SLC14A2: variants seen among roughly 807,000 people sequenced by gnomAD.
The protein encoded by SLC14A2 is urea transporter 2.
SLC14A2 carries 91 observed loss-of-function variants against 104.6 expected under a neutral mutation model. The ratio of observed to expected loss-of-function variants is 0.87; its 90% confidence interval spans 0.73 to 1.04. The LOEUF (loss-of-function observed/expected upper bound fraction) is 1.04. Ranked by LOEUF, SLC14A2 falls within the 50% of genes least tolerant of loss-of-function variation. SLC14A2 has a pLI of 0.00. For synonymous variants in SLC14A2, 476 were observed against 466.4 expected (o/e 1.02, Z -0.27); for missense variants, 1,189 against 1,156.0 (o/e 1.03, Z -0.41).
At chr18:45,682,260 T>A in intron 19 of SLC14A2, 59 bp from the exon 20 acceptor site, 1 of 1,474,478 alleles carries the variant, frequency 6.8e-7, no homozygotes, top group Non-Finnish European at 9.5e-7. Flanking sequence ...TGATAAGGGC[T>A]GATTAAAATG....
chr18:45,562,059 G>T (rs898391934), intron 2 of SLC14A2, among the ~76,000 whole-genome samples: 2 of 152,230 alleles, frequency 1.3e-5, no homozygotes, highest in South Asian at 2.1e-4. Flanking sequence ...GAGGCACCCA[G>T]TTCTCTCTCC....
At chr18:45,187,703 C>T in the SLC14A2 span, among the ~76,000 whole-genome samples, 5 of 151,946 alleles carry the variant, frequency 3.3e-5, no homozygotes, top group African/African-American at 2.4e-5. Flanking sequence ...GGTGTAACTT[C>T]CAGATCACTT....
chr18:45,680,154 C>T (rs1370702397), intron 19 of SLC14A2, among the ~76,000 whole-genome samples: 1 of 152,212 alleles, frequency 6.6e-6, no homozygotes, highest in Non-Finnish European at 1.5e-5. Context: ...GGCTCTGAGG[C>T]TCCCTTCAGG....
In SLC14A2 at chr18:45,255,919, T is replaced by C. The variant is rs191721133; in HGVS notation, c.-125+42728T>C. On this transcript the variant is annotated intron_variant, in intron 1 of 20. Coordinates refer to the SLC14A2 transcript ENST00000586448. The stretch of plus-strand genomic sequence containing the variant: ...CCAGGCAGAGGGATCCCAGAGAGCA[T>C]AGAAAGGCCCGGATGTATGCTTTCT... Among the ~76,000 whole-genome samples the C allele has an allele frequency of 4.3e-4, 66 of 152,288 alleles. 1 individual carries two copies. Among genetic ancestry groups the C allele is most frequent in the African/African-American group, 1.3e-3 (53 of 41,564 alleles).
chr18:45,224,084 T>G (rs958558632), intron 1 of SLC14A2, among the ~76,000 whole-genome samples: 1 of 152,198 alleles, frequency 6.6e-6, no homozygotes, highest in African/African-American at 2.4e-5. Context: ...AGTTTCAGCA[T>G]AATCCTTAGT....
intron 1 of SLC14A2, among the ~76,000 whole-genome samples, chr18:45,344,792 A>G (rs796480033): frequency 7.9e-5 from 12 of 152,196 alleles, no homozygotes; most frequent in Admixed American, 3.9e-4. Context: ...AAGCCACATC[A>G]ATTAGGCACC....
At chr18:45,623,196 A>G (rs2045203746) in intron 1 of SLC14A2, among the ~76,000 whole-genome samples, 1 of 152,020 alleles carries the variant, frequency 6.6e-6, no homozygotes, top group Non-Finnish European at 1.5e-5. Context: ...CAGAGGAGAG[A>G]TCTGACTTTT....
the SLC14A2 span, among the ~76,000 whole-genome samples, chr18:45,204,091 TTAA>T: frequency 6.6e-6 from 1 of 152,338 alleles, no homozygotes; most frequent in African/African-American, 2.4e-5. Context: ...TGTGGTATAT[TTAA>T]TAATGTTCAT....
rs182669094 is a variant in SLC14A2 at position 45,671,013 on chromosome 18, C to A, written c.2229+1515C>A. Among the ~76,000 whole-genome samples the A allele has an allele frequency of 7.9e-5, 12 of 152,228 alleles. No individual in the cohort carries two copies. The East Asian group carries it at 2.1e-3, about 27-fold the overall frequency. The stretch of plus-strand genomic sequence containing the variant: ...CTTGATCATTTTGTGTGTGTGAGGA[C>A]CTTCTTGGACCAGAAACAAGAAAAG... On this transcript the variant is annotated intron_variant, in intron 16 of 19. Coordinates refer to ENST00000255226, the MANE Select transcript of SLC14A2 (RefSeq NM_007163.4).
intron 1 of SLC14A2, among the ~76,000 whole-genome samples, chr18:45,215,023 G>A (rs1313681685): frequency 6.6e-6 from 1 of 152,036 alleles, no homozygotes; most frequent in African/African-American, 2.4e-5. Context: ...TTTAGAGAAG[G>A]GAGTGATTGG....
chr18:45,243,581 A>G (rs1029339486), intron 1 of SLC14A2, among the ~76,000 whole-genome samples: 1 of 152,248 alleles, frequency 6.6e-6, no homozygotes, highest in East Asian at 1.9e-4. Context: ...TGTTCCTTGT[A>G]GAGAGAAAAG....
At chr18:45,352,204 G>A (rs771241514) in intron 1 of SLC14A2, among the ~76,000 whole-genome samples, 2 of 152,080 alleles carry the variant, frequency 1.3e-5, no homozygotes, top group Non-Finnish European at 2.9e-5. Flanking sequence ...CAAAGAAAAG[G>A]CAAACACTGA....
intron 1 of SLC14A2, among the ~76,000 whole-genome samples, chr18:45,419,242 G>A (rs2086312283): frequency 6.6e-6 from 1 of 152,120 alleles, no homozygotes; most frequent in African/African-American, 2.4e-5. Flanking sequence ...ATTGTGCCGG[G>A]AACCCAGGGT....
At chr18:45,484,988 ATTG>A (rs2087573041) in intron 2 of SLC14A2, among the ~76,000 whole-genome samples, 1 of 152,328 alleles carries the variant, frequency 6.6e-6, no homozygotes, top group Admixed American at 6.5e-5. Flanking sequence ...TTGTAATATC[ATTG>A]TTATTAATAG....
chr18:45,208,179 C>A (rs1484750330), upstream of SLC14A2, among the ~76,000 whole-genome samples: 1 of 152,302 alleles, frequency 6.6e-6, no homozygotes, highest in East Asian at 1.9e-4. Context: ...AAAGCTACTT[C>A]TATAACCAAC....
intron 1 of SLC14A2, among the ~76,000 whole-genome samples, chr18:45,310,407 C>A (rs1447626985): frequency 6.6e-6 from 1 of 152,176 alleles, no homozygotes; most frequent in Non-Finnish European, 1.5e-5. Context: ...GCAAAACAGG[C>A]ATCATTATTG....
Position 45,624,790 on chromosome 18 carries a change from C to G in SLC14A2, c.126C>G (p.Pro42=), listed in dbSNP as rs748814704. Reference sequence around the variant, plus strand: ...CCCCGGATACTCACCCAGCTCTGCCCCTCCTGGAAATGCCTGAAGAAAAGG... The same window carrying G: ...CCCCGGATACTCACCCAGCTCTGCCGCTCCTGGAAATGCCTGAAGAAAAGG... ...STSPDTHPAL[P]LLEMPEEKDL... is the part of the protein sequence containing the mutation. Residue 42 remains proline, a synonymous_variant, in exon 2 of 20, where the codon CCC becomes CCG. Transcript: ENST00000255226. The G allele has an allele frequency of 1.9e-6, 3 of 1,611,786 alleles. No individual in the cohort carries two copies. The highest frequency in any genetic ancestry group is 2.5e-6 in the Non-Finnish European group (3 of 1,179,034).
In SLC14A2 at chr18:45,318,160, G is replaced by C. The variant is rs138993707; in HGVS notation, c.-125+104969G>C. 5.0e-3 allele frequency among the ~76,000 whole-genome samples: 757 copies of C among 152,330 alleles called. 15 individuals are homozygous for C. Among genetic ancestry groups the C allele is most frequent in the East Asian group, 0.043 (224 of 5,172 alleles). The stretch of plus-strand genomic sequence containing the variant: ...GATGCTGGCAGGCTTCCAGGAGTGG[G>C]AGGCAGCTGGCTCCAAGCACCGGGG... On this transcript the variant is annotated intron_variant, in intron 1 of 20. Coordinates refer to the SLC14A2 transcript ENST00000586448.
chr18:45,418,450 A>G (rs144947748), intron 1 of SLC14A2, among the ~76,000 whole-genome samples: 9 of 152,326 alleles, frequency 5.9e-5, no homozygotes, highest in Non-Finnish European at 1.2e-4. Context: ...GAAGGAGAGC[A>G]TTCCAGGGAA....
Sources: allele counts gnomAD v4.1 joint callset (sites outside exome capture counted in the v4.1 genomes callset), GRCh38; gene constraint gnomAD v4.1.1; transcripts MANE v1.5; gene names NCBI Gene and HGNC (gene_info 2026-07-23, HGNC 2026-07-21).